The following PLB1 variants were observed in gnomAD, a reference collection of about 807,000 sequenced individuals.
PLB1 encodes the protein phospholipase B1.
A neutral mutation model predicts 227.4 loss-of-function variants in PLB1; 242 were observed. The observed-to-expected ratio is 1.06, with a 90% CI of 0.96 to 1.18. The LOEUF (loss-of-function observed/expected upper bound fraction) is 1.18, where lower values mean the gene tolerates loss of function less well. Ranked by LOEUF, PLB1 falls within the 50% of genes most tolerant of loss-of-function variation. The pLI, the probability that PLB1 is intolerant of heterozygous loss-of-function variation, is 0.00. For missense variants in PLB1, 1,858 were observed against 1,816.3 expected, an observed-to-expected ratio of 1.02 and a Z score of -0.42; for synonymous variants, 757 against 682.2, an observed-to-expected ratio of 1.11 and a Z score of -1.71.
intron 31 of PLB1, 55 bp downstream of exon 31, chr2:28,591,815 C>G: frequency 6.5e-7 from 1 of 1,542,920 alleles, no homozygotes; most frequent in South Asian, 1.1e-5. Flanking sequence ...GGCTGCTATG[C>G]TGGTGAGTCC....
At chr2:28,594,873 A>T (rs552465666) in intron 33 of PLB1, 1 of 152,002 alleles carries the variant, frequency 6.6e-6, no homozygotes, top group African/African-American at 2.4e-5. Flanking sequence ...AGGCTACAAG[A>T]AAAAAAACCA....
intron 1 of PLB1, among the ~76,000 whole-genome samples, chr2:28,511,786 A>ATTTTTTTTTT (rs1668285878): frequency 2.6e-5 from 3 of 117,162 alleles, no homozygotes; most frequent in South Asian, 3.0e-4. Flanking sequence ...CAGCCATTTT[A>ATTTTTTTTTT]TCTTTTTTTT....
At chr2:28,641,090 G>A (rs912076971) in intron 57 of PLB1, 89 bp downstream of exon 57, 5 of 1,256,182 alleles carry the variant, frequency 4.0e-6, no homozygotes, top group African/African-American at 1.5e-5. Context: ...AGTCCCCGGG[G>A]ATGCTCCCTC....
chr2:28,627,263 C>T (rs2148334824), intron 51 of PLB1, among the ~76,000 whole-genome samples: 1 of 152,226 alleles, frequency 6.6e-6, no homozygotes, highest in East Asian at 1.9e-4. Flanking sequence ...TCAGTTCTCT[C>T]CCTGACCACC....
chr2:28,608,415 C>T (rs544783632), intron 43 of PLB1, among the ~76,000 whole-genome samples: 2 of 152,286 alleles, frequency 1.3e-5, no homozygotes, highest in Non-Finnish European at 2.9e-5. Context: ...ACAGGCAAGA[C>T]GCAGTGGGGG....
At chr2:28,529,464 A>C in intron 7 of PLB1, 57 bp downstream of exon 7, 1 of 1,412,906 alleles carries the variant, frequency 7.1e-7, no homozygotes, top group South Asian at 1.2e-5. Flanking sequence ...TCTTCAACAT[A>C]TAGGTGGGAG....
At chr2:28,602,079 T>TG in intron 38 of PLB1, 115 bp downstream of exon 38, 1 of 1,000,344 alleles carries the variant, frequency 1.0e-6, no homozygotes, top group South Asian at 1.3e-5. Flanking sequence ...GCCAGGGGCA[T>TG]GGACTCCTTC....
chr2:28,620,429 C>A, intron 47 of PLB1, 97 bp downstream of exon 47: 1 of 1,366,676 alleles, frequency 7.3e-7, no homozygotes, highest in Non-Finnish European at 1.0e-6. Flanking sequence ...GCAGTTGGGT[C>A]CCCAGGTCCC....
intron 13 of PLB1, 63 bp from the exon 14 acceptor site, chr2:28,543,149 G>A: frequency 1.3e-6 from 2 of 1,518,720 alleles, no homozygotes; most frequent in Non-Finnish European, 9.0e-7. Flanking sequence ...TTCAAAGTGT[G>A]TAGCAGGTCC....
chr2:28,522,891 G>A (rs1043932909), intron 4 of PLB1, among the ~76,000 whole-genome samples: 1 of 152,152 alleles, frequency 6.6e-6, no homozygotes, highest in Admixed American at 6.5e-5. Context: ...GAACTTACCT[G>A]GGGTGTGTAT....
chr2:28,591,507 G>A lies in PLB1; in HGVS notation c.2128-193G>A, dbSNP rs546174211. On this transcript the variant is annotated intron_variant, in intron 30 of 57. Coordinates refer to ENST00000327757, the MANE Select transcript of PLB1 (RefSeq NM_153021.5). ...TTGGACGGTGGAGGGGTCTGAACTC[G>A]ATGAGTGGACCTCGATCTGTGGCCG... is the stretch of plus-strand genomic sequence containing the variant. Among the ~76,000 whole-genome samples, 38 of 152,322 alleles carry A rather than the reference G, an allele frequency of 2.5e-4. 3 individuals carry two copies. The highest frequency in any genetic ancestry group is 2.1e-4 in the Non-Finnish European group (14 of 68,022).
chr2:28,574,301 G>A (rs1021834780), intron 21 of PLB1, among the ~76,000 whole-genome samples: 6 of 149,926 alleles, frequency 4.0e-5, no homozygotes, highest in Admixed American at 4.0e-4. Context: ...CCTGAGCAGT[G>A]TACACTGTAC....
intron 2 of PLB1, among the ~76,000 whole-genome samples, chr2:28,518,079 G>A (rs1037717099): frequency 6.6e-6 from 1 of 151,834 alleles, no homozygotes; most frequent in Non-Finnish European, 1.5e-5. Flanking sequence ...ACAAAATTTC[G>A]CCATGTTAGC....
chr2:28,526,306 C>T (rs965128598), intron 6 of PLB1, among the ~76,000 whole-genome samples: 8 of 151,900 alleles, frequency 5.3e-5, no homozygotes, highest in Admixed American at 1.3e-4. Context: ...GGAAAATGCC[C>T]GTGGTTCACT....
chr2:28,630,322 C>T (rs1688425098), intron 53 of PLB1, among the ~76,000 whole-genome samples: 1 of 152,202 alleles, frequency 6.6e-6, no homozygotes, highest in Admixed American at 6.5e-5. Flanking sequence ...CAGGGAGGTC[C>T]AGGCAACAGC....
chr2:28,600,809 G>A lies in PLB1; in HGVS notation c.2475G>A (p.Glu825=). The part of the protein sequence containing the change: ...LNQAVPGAKA[E]DLMSQVQTLM... ...AGGATGGGTTTTCTCTCTTTCTCAG[G>A]GATCTTATGAGCCAAGTCCAAACTC... is the stretch of plus-strand genomic sequence containing the variant. The change falls in exon 36 of 58, where the codon GAG becomes GAA. Residue 825 remains glutamate (E), a splice_region_variant and synonymous_variant. Transcript: ENST00000327757. 6.2e-7 allele frequency: 1 copy of A among 1,613,402 alleles called. No homozygotes were observed. Among genetic ancestry groups the A allele is most frequent in the Non-Finnish European group, 8.5e-7 (1 of 1,179,400 alleles).
chr2:28,633,681 C>T (rs1688966521), intron 56 of PLB1, among the ~76,000 whole-genome samples: 1 of 152,254 alleles, frequency 6.6e-6, no homozygotes, highest in African/African-American at 2.4e-5. Context: ...GGGACACCTG[C>T]CTGGTGCTTC....
chr2:28,536,153 C>T (rs1039967947), intron 9 of PLB1, among the ~76,000 whole-genome samples: 2 of 152,190 alleles, frequency 1.3e-5, no homozygotes, highest in Admixed American at 1.3e-4. Context: ...CTGTGGAGAC[C>T]TTTGGGCTCA....
chr2:28,589,956 A>C, intron 28 of PLB1, 49 bp from the exon 29 acceptor site: 1 of 1,556,372 alleles, frequency 6.4e-7, no homozygotes, highest in East Asian at 2.2e-5. Context: ...TGAGCTTTCC[A>C]TTCTGGCCGC....
Sources: gnomAD v4.1 joint callset for allele counts (sites outside exome capture counted in the v4.1 genomes callset) on GRCh38, gnomAD v4.1.1 for gene constraint, MANE v1.5 for transcripts, NCBI Gene and HGNC (gene_info 2026-07-23, HGNC 2026-07-21) for gene names.